FBXO31: variants seen among roughly 807,000 people sequenced by gnomAD.
The protein encoded by FBXO31 is F-box protein 31.
FBXO31 carries 24 observed loss-of-function variants against 54.4 expected under a neutral mutation model. The ratio of observed to expected loss-of-function variants is 0.44; its 90% CI spans 0.32 to 0.62. FBXO31 has a LOEUF of 0.62. Ranked by LOEUF, FBXO31 falls within the 20% of genes least tolerant of loss-of-function variation. FBXO31 has a pLI of 0.05. For missense variants in FBXO31, 665 were observed against 787.1 expected (o/e 0.84, Z 1.86); for synonymous variants, 388 against 335.6 (o/e 1.16, Z -1.71).
intron 1 of FBXO31, among the ~76,000 whole-genome samples, chr16:87,381,427 AC>A (rs1907072639): frequency 6.6e-6 from 1 of 152,130 alleles, no homozygotes; most frequent in Admixed American, 6.5e-5. Context: ...CCCTCCAAGC[AC>A]CTCCGGGAGC....
At chr16:87,365,010 A>ATATATATATATATAT (rs1906293303) in intron 1 of FBXO31, among the ~76,000 whole-genome samples, 1 of 47,684 alleles carries the variant, frequency 2.1e-5, no homozygotes, top group African/African-American at 1.0e-4. Context: ...CCGTCTCTTA[A>ATATATATATATATAT]ATATATATAT....
chr16:87,388,072 TAAAC>T (rs1029204393), upstream of FBXO31, among the ~76,000 whole-genome samples: 3 of 152,208 alleles, frequency 2.0e-5, no homozygotes, highest in Non-Finnish European at 2.9e-5. Context: ...TGTTTAGAAT[TAAAC>T]AAACAGGCAA....
intron 2 of FBXO31, among the ~76,000 whole-genome samples, chr16:87,359,861 T>C (rs1906058138): frequency 6.6e-6 from 1 of 152,084 alleles, no homozygotes; most frequent in Admixed American, 6.6e-5. Flanking sequence ...GCTCACAGAA[T>C]GCTAAAGGGA....
intron 1 of FBXO31, among the ~76,000 whole-genome samples, chr16:87,379,687 C>T (rs557540975): frequency 7.9e-5 from 12 of 152,062 alleles, no homozygotes; most frequent in East Asian, 3.9e-4. Context: ...GGGACAGACC[C>T]GGCAATTCTC....
chr16:87,361,056 G>A (rs571946032), intron 1 of FBXO31, among the ~76,000 whole-genome samples: 20 of 152,282 alleles, frequency 1.3e-4, no homozygotes, highest in African/African-American at 2.9e-4. Context: ...CAGGTCCTCC[G>A]GCTTGGGTCT....
At chr16:87,374,530 G>C (rs1906740804) in intron 1 of FBXO31, among the ~76,000 whole-genome samples, 1 of 152,222 alleles carries the variant, frequency 6.6e-6, no homozygotes, top group Non-Finnish European at 1.5e-5. Context: ...CAGCCGGACA[G>C]TCCTAAGCCC....
chr16:87,349,381 C>T (rs55992571), intron 2 of FBXO31, among the ~76,000 whole-genome samples: 38,061 of 152,132 alleles, frequency 0.25, 6,015 homozygotes, highest in Non-Finnish European at 0.37. Flanking sequence ...TTGTGGAACA[C>T]GTTGGGGCAG....
intron 8 of FBXO31, 78 bp from the exon 9 acceptor site, chr16:87,331,588 C>A (rs1378498063): frequency 8.1e-7 from 1 of 1,228,960 alleles, no homozygotes; most frequent in Admixed American, 2.2e-5. Context: ...ATTCTGCGAC[C>A]CCGCTCTGTG....
At chr16:87,360,891 G>C (rs563344211) in intron 1 of FBXO31, among the ~76,000 whole-genome samples, 1 of 152,256 alleles carries the variant, frequency 6.6e-6, no homozygotes, top group South Asian at 2.1e-4. Flanking sequence ...GCTAGGCTTG[G>C]CCAGGGCCCA....
At chr16:87,375,542 T>C (rs1265407154) in intron 1 of FBXO31, among the ~76,000 whole-genome samples, 1 of 152,096 alleles carries the variant, frequency 6.6e-6, no homozygotes, top group Non-Finnish European at 1.5e-5. Flanking sequence ...TGGGCTGGCA[T>C]TTCACAACAC....
At chr16:87,370,901 T>G (rs1290688335) in intron 1 of FBXO31, among the ~76,000 whole-genome samples, 2 of 152,174 alleles carry the variant, frequency 1.3e-5, no homozygotes, top group Admixed American at 1.3e-4. Flanking sequence ...TTTTTCTGCT[T>G]CTGAGGCTAA....
In FBXO31 at chr16:87,336,120, G is replaced by A. The variant is rs945144513; in HGVS notation, c.842+35C>T. 6.3e-7 allele frequency: 1 copy of A among 1,578,854 alleles called. No individual in the cohort carries two copies. Among genetic ancestry groups the A allele is most frequent in the African/African-American group, 1.3e-5 (1 of 74,216 alleles). ...CTGGTCCCCAGCACACACCAGGAGA[G>A]GGCTACCCCAGCACCGAGCAGGAGC... On this transcript the variant is annotated intron_variant, in intron 6 of 8. Transcript: ENST00000311635. The surrounding 1 kb of genome is among the most constrained non-coding windows in gnomAD (Gnocchi z 6.5).
intron 5 of FBXO31, among the ~76,000 whole-genome samples, chr16:87,341,303 G>A (rs904697025): frequency 3.8e-4 from 58 of 152,030 alleles, no homozygotes; most frequent in African/African-American, 1.3e-3. Flanking sequence ...TCTTTTTTAA[G>A]GGCTCAACAG....
chr16:87,331,150 G>A lies in FBXO31; in HGVS notation c.*138C>T. ...CACTCTCTACATAAAGTGCTGGGGG[G>A]TGGCTGGACTGGGCCCCCCGACGAG... On this transcript the variant is annotated 3_prime_UTR_variant, in exon 9 of 9. Transcript: ENST00000311635. 2 of 717,570 alleles carry A rather than the reference G, an allele frequency of 2.8e-6. No individual in the cohort carries two copies. The highest frequency in any genetic ancestry group is 5.4e-5 in the East Asian group (2 of 36,706). 44.5% of individuals were successfully genotyped at this position (717,570 alleles called of 1,614,324 possible). A position where few individuals can be genotyped will look rare whatever the true frequency, so the allele number is the denominator to read the frequency against.
At chr16:87,372,841 G>T (rs1356637067) in intron 1 of FBXO31, among the ~76,000 whole-genome samples, 1 of 150,630 alleles carries the variant, frequency 6.6e-6, no homozygotes, top group Non-Finnish European at 1.5e-5. Flanking sequence ...CAAGCACTTA[G>T]TTCTTCTGCC....
chr16:87,347,112 C>A, intron 3 of FBXO31, 62 bp downstream of exon 3: 1 of 1,450,022 alleles, frequency 6.9e-7, no homozygotes, highest in Non-Finnish European at 9.7e-7. Context: ...CCCTCAAATT[C>A]CTCCACGTAA....
In FBXO31 at chr16:87,361,378, T is replaced by C. The variant is rs551314308; in HGVS notation, c.341-1012A>G. ...CAAAAAGCTTCCTTCGCAGTGAGAA[T>C]GTGGCAGGGGCACAACACAGGAGAC... On this transcript the variant is annotated intron_variant, in intron 1 of 8. Transcript: ENST00000311635. Among the ~76,000 whole-genome samples, 28 of 152,300 alleles carry C rather than the reference T, an allele frequency of 1.8e-4. No individual in the cohort carries two copies. The South Asian group carries it at 5.6e-3, about 30-fold the overall frequency.
upstream of FBXO31, among the ~76,000 whole-genome samples, chr16:87,385,629 G>GTTCT (rs1907303320): frequency 6.6e-6 from 1 of 152,208 alleles, no homozygotes; most frequent in South Asian, 2.1e-4. Context: ...ATGATCAAAG[G>GTTCT]TTCTTTGAGG....
At chr16:87,380,017 A>T in intron 1 of FBXO31, among the ~76,000 whole-genome samples, 1 of 148,084 alleles carries the variant, frequency 6.8e-6, no homozygotes, top group East Asian at 2.0e-4. Flanking sequence ...AAAAAAAAAA[A>T]GGCCTGCCGC....
Sources: allele counts gnomAD v4.1 joint callset (sites outside exome capture counted in the v4.1 genomes callset), GRCh38; gene constraint gnomAD v4.1.1; non-coding constraint Gnocchi (gnomAD v3.1); transcripts MANE v1.5; gene names NCBI Gene and HGNC (gene_info 2026-07-23, HGNC 2026-07-21).